KCNB2: variants seen among roughly 807,000 people sequenced by gnomAD.
KCNB2 encodes the protein delayed rectifier potassium channel protein.
Under a neutral mutation model 61.5 loss-of-function variants are expected in KCNB2, and 15 were observed. That is an observed-to-expected ratio of 0.24 (90% CI 0.16 to 0.38). The LOEUF is 0.38. Among genes scored for constraint, KCNB2 ranks in the 10% least tolerant of loss-of-function variants. KCNB2 has a pLI of 1.00. For synonymous variants in KCNB2, 457 were observed against 446.0 expected (o/e 1.02, Z -0.31); for missense variants, 828 against 1,125.2 (o/e 0.74, Z 3.78).
intron 2 of KCNB2, among the ~76,000 whole-genome samples, chr8:72,696,243 G>A (rs1455239453): frequency 6.6e-6 from 1 of 152,172 alleles, no homozygotes; most frequent in African/African-American, 2.4e-5. Flanking sequence ...TGTGGATCTT[G>A]CCCTGAAGAA....
intron 2 of KCNB2, among the ~76,000 whole-genome samples, chr8:72,864,424 T>C (rs1331035334): frequency 6.6e-6 from 1 of 152,206 alleles, no homozygotes; most frequent in Non-Finnish European, 1.5e-5. Context: ...CTATTCTCTT[T>C]TATCCTGGTT....
chr8:72,649,624 A>T lies in KCNB2; in HGVS notation c.579+81311A>T, dbSNP rs368743019. 2.0e-5 allele frequency among the ~76,000 whole-genome samples: 3 copies of T among 152,164 alleles called. No individual in the cohort carries two copies. In the East Asian group the frequency reaches 5.8e-4, roughly 29 times the overall value. On this transcript the variant is annotated intron_variant, in intron 2 of 2. Coordinates refer to ENST00000523207, the MANE Select transcript of KCNB2 (RefSeq NM_004770.3). ...AGCTAATCTTTAAAAATAAAAGGTG[A>T]TTTCCACTATCATCAATGAGAATAG...
At chr8:72,672,654 G>A (rs1170194701) in intron 2 of KCNB2, among the ~76,000 whole-genome samples, 1 of 151,296 alleles carries the variant, frequency 6.6e-6, no homozygotes, top group Admixed American at 6.6e-5. Flanking sequence ...TAATATAACA[G>A]CAACTGCTTC....
At chr8:72,705,595 A>T (rs1443744815) in intron 2 of KCNB2, among the ~76,000 whole-genome samples, 1 of 152,288 alleles carries the variant, frequency 6.6e-6, no homozygotes, top group East Asian at 1.9e-4. Flanking sequence ...TGTTTTTCCA[A>T]CCTGCTGTAA....
chr8:72,634,513 A>AT (rs1273190131), intron 2 of KCNB2, among the ~76,000 whole-genome samples: 1 of 152,130 alleles, frequency 6.6e-6, no homozygotes, highest in Non-Finnish European at 1.5e-5. Flanking sequence ...AAATGAATCA[A>AT]TTTCTTCCCA....
chr8:72,724,038 G>C (rs1807593489), intron 2 of KCNB2, among the ~76,000 whole-genome samples: 1 of 152,162 alleles, frequency 6.6e-6, no homozygotes, highest in African/African-American at 2.4e-5. Flanking sequence ...AAGTGGCACT[G>C]CTTTCCTCAT....
At chr8:72,619,305 G>A (rs1805676500) in intron 2 of KCNB2, 1 of 615,092 alleles carries the variant, frequency 1.6e-6, no homozygotes, top group South Asian at 1.4e-5. Context: ...GAGATTGGCA[G>A]GGGAAAAGTT....
chr8:72,679,208 G>A (rs890121926), intron 2 of KCNB2, among the ~76,000 whole-genome samples: 1 of 152,142 alleles, frequency 6.6e-6, no homozygotes, highest in Non-Finnish European at 1.5e-5. Flanking sequence ...TTGGAAGTAC[G>A]TTGTGAAACC....
intron 2 of KCNB2, among the ~76,000 whole-genome samples, chr8:72,728,741 A>G (rs558002354): frequency 9.9e-5 from 15 of 152,262 alleles, no homozygotes; most frequent in African/African-American, 3.4e-4. Context: ...GAAGTTACTG[A>G]AAAGGAGTAA....
chr8:72,799,176 C>T (rs1405513664), intron 2 of KCNB2, among the ~76,000 whole-genome samples: 1 of 152,160 alleles, frequency 6.6e-6, no homozygotes, highest in Non-Finnish European at 1.5e-5. Flanking sequence ...CATCATCACA[C>T]TTGTTTTGCA....
chr8:72,556,309 T>C (rs1585749105), intron 1 of KCNB2, among the ~76,000 whole-genome samples: 2 of 151,924 alleles, frequency 1.3e-5, no homozygotes, highest in East Asian at 3.9e-4. Context: ...GCCTTACTTT[T>C]TTACCATTAA....
chr8:72,702,651 T>C (rs982406838), intron 2 of KCNB2, among the ~76,000 whole-genome samples: 2 of 152,166 alleles, frequency 1.3e-5, no homozygotes, highest in African/African-American at 4.8e-5. Flanking sequence ...TATTGAACCA[T>C]GATGTTCATA....
chr8:72,747,922 A>G (rs950181532), intron 2 of KCNB2, among the ~76,000 whole-genome samples: 2 of 152,306 alleles, frequency 1.3e-5, no homozygotes, highest in East Asian at 1.9e-4. Flanking sequence ...CCACTCAGTC[A>G]AATAAAGCAA....
At chr8:72,597,516 C>T (rs111421693) in intron 2 of KCNB2, among the ~76,000 whole-genome samples, 1,854 of 152,284 alleles carry the variant, frequency 0.012, 19 homozygotes, top group Non-Finnish European at 0.018. Flanking sequence ...AAAAATATGG[C>T]TACTCACTGG....
chr8:72,791,664 C>T (rs2128998765), intron 2 of KCNB2, among the ~76,000 whole-genome samples: 1 of 152,268 alleles, frequency 6.6e-6, no homozygotes, highest in South Asian at 2.1e-4. Context: ...ACAGAGTTCC[C>T]TTTGATGAAG....
intron 2 of KCNB2, among the ~76,000 whole-genome samples, chr8:72,835,485 A>G (rs1306134204): frequency 6.6e-6 from 1 of 152,184 alleles, no homozygotes; most frequent in African/African-American, 2.4e-5. Flanking sequence ...AGGATAACCT[A>G]TAAGTGAATC....
intron 2 of KCNB2, among the ~76,000 whole-genome samples, chr8:72,829,213 A>T (rs1585916968): frequency 6.6e-6 from 1 of 152,350 alleles, no homozygotes; most frequent in African/African-American, 2.4e-5. Context: ...GGCCTGAATT[A>T]TGATTCCTGA....
intron 2 of KCNB2, among the ~76,000 whole-genome samples, chr8:72,804,097 C>A (rs1198450593): frequency 6.6e-6 from 1 of 152,138 alleles, no homozygotes; most frequent in African/African-American, 2.4e-5. Flanking sequence ...CAGAGTCACC[C>A]CTATCCCCAA....
chr8:72,579,482 T>C (rs1388152923), intron 2 of KCNB2, among the ~76,000 whole-genome samples: 1 of 152,188 alleles, frequency 6.6e-6, no homozygotes, highest in Non-Finnish European at 1.5e-5. Flanking sequence ...AAGTAGAATT[T>C]TCTCTTGTCA....
Sources: allele counts gnomAD v4.1 joint callset (sites outside exome capture counted in the v4.1 genomes callset), GRCh38; gene constraint gnomAD v4.1.1; transcripts MANE v1.5; gene names NCBI Gene and HGNC (gene_info 2026-07-23, HGNC 2026-07-21).